The following PARM1 variants were observed in gnomAD, a reference collection of about 807,000 sequenced individuals.
PARM1 encodes the protein prostate androgen-regulated mucin-like protein 1, also known as WSC4, cell wall integrity and stress response component 4 homolog.
Under a neutral mutation model 24.6 loss-of-function variants are expected in PARM1, and 14 were observed. That is an observed-to-expected ratio of 0.57 (90% CI 0.38 to 0.89). The LOEUF (loss-of-function observed/expected upper bound fraction) is 0.89, where lower values mean the gene tolerates loss of function less well. Ranked by LOEUF, PARM1 falls within the 40% of genes least tolerant of loss-of-function variation. PARM1 has a pLI of 0.00. For synonymous variants in PARM1, 179 were observed against 156.6 expected (o/e 1.14, Z -1.07); for missense variants, 362 against 380.4 (o/e 0.95, Z 0.40).
chr4:75,021,513 A>G (rs528991611), intron 2 of PARM1, among the ~76,000 whole-genome samples: 24 of 151,838 alleles, frequency 1.6e-4, no homozygotes, highest in Non-Finnish European at 2.6e-4. Context: ...TACATGGGTA[A>G]ATTGTGTGTC....
At position 74,970,716 on chromosome 4, in the gene PARM1, GC is replaced by G. The variant is rs1433365278; in HGVS notation, c.43+37348del. On this transcript the variant is annotated intron_variant, in intron 1 of 3. Transcript: ENST00000307428. Reference sequence around the variant, plus strand: ...TGTCTACCCAGGCTGCTTCCAGCCTGCCTGCATGTGTTCAGGGCAGCAATTT... The same window carrying G: ...TGTCTACCCAGGCTGCTTCCAGCCTGCTGCATGTGTTCAGGGCAGCAATTT... Among the ~76,000 whole-genome samples, 4 of 152,280 alleles carry G rather than the reference GC, an allele frequency of 2.6e-5. No homozygotes were observed. In the East Asian group the frequency reaches 7.7e-4, roughly 29 times the overall value.
intron 3 of PARM1, among the ~76,000 whole-genome samples, chr4:75,039,489 G>T (rs1044062513): frequency 3.3e-5 from 5 of 151,872 alleles, no homozygotes; most frequent in African/African-American, 9.7e-5. Context: ...AGCCAAAATC[G>T]CACCACTGCA....
At chr4:74,968,587 C>A (rs1442353215) in intron 1 of PARM1, among the ~76,000 whole-genome samples, 1 of 152,124 alleles carries the variant, frequency 6.6e-6, no homozygotes, top group Non-Finnish European at 1.5e-5. Flanking sequence ...ATTGTGAAAC[C>A]AGCCTCAGCC....
rs1723670637 is a variant in PARM1 at position 75,049,199 on chromosome 4, G to GTGAAA, written c.*2953_*2957dup. 6.6e-6 allele frequency: 1 copy of GTGAAA among 152,168 alleles called. No homozygotes were observed. The highest frequency in any genetic ancestry group is 2.4e-5 in the African/African-American group (1 of 41,438). The allele number at this position is 152,168 out of a possible 1,614,324, so 9.4% of individuals were successfully genotyped here. A position where few individuals can be genotyped will look rare whatever the true frequency, so the allele number is the denominator to read the frequency against. On this transcript the variant is annotated 3_prime_UTR_variant, in exon 4 of 4. Coordinates refer to ENST00000307428, the MANE Select transcript of PARM1 (RefSeq NM_015393.4). ...TTTGTTTTCTTTTCCTGTGGCCCCAGTGAAACCTCCTGCCCTCCCTGCACG... is the reference window on the plus strand; with the variant it reads ...TTTGTTTTCTTTTCCTGTGGCCCCAGTGAAATGAAACCTCCTGCCCTCCCTGCACG...
intron 2 of PARM1, among the ~76,000 whole-genome samples, chr4:75,029,119 G>T (rs953901410): frequency 6.6e-6 from 1 of 152,158 alleles, no homozygotes; most frequent in African/African-American, 2.4e-5. Flanking sequence ...GGATGTGTGA[G>T]TGTGGGGAGA....
chr4:74,953,002 A>C (rs1721557382), intron 1 of PARM1, among the ~76,000 whole-genome samples: 1 of 152,222 alleles, frequency 6.6e-6, no homozygotes. Context: ...TTTCTGGAGC[A>C]TCTAAAATTC....
rs1325538598 is a variant in PARM1, at chr4:75,049,873, T to G, written c.*3626T>G. On this transcript the variant is annotated 3_prime_UTR_variant, in exon 4 of 4. Coordinates refer to ENST00000307428, the MANE Select transcript of PARM1 (RefSeq NM_015393.4). ...CCTTTAAGCCTTTTTTTTCTTTTTTTTTTTTTTGGCAAATGAATGTACCAT... is the reference window on the plus strand; with the variant it reads ...CCTTTAAGCCTTTTTTTTCTTTTTTGTTTTTTTGGCAAATGAATGTACCAT... 6.6e-6 allele frequency: 1 copy of G among 151,834 alleles called. No homozygotes were observed. The highest frequency in any genetic ancestry group is 1.5e-5 in the Non-Finnish European group (1 of 67,934). 9.4% of individuals were successfully genotyped at this position (151,834 alleles called of 1,614,324 possible).
intron 2 of PARM1, among the ~76,000 whole-genome samples, chr4:75,026,203 T>C (rs1331680541): frequency 2.0e-5 from 3 of 152,228 alleles, no homozygotes; most frequent in Non-Finnish European, 1.5e-5. Context: ...AAAAAATAGC[T>C]GTGCTTCAGA....
intron 1 of PARM1, among the ~76,000 whole-genome samples, chr4:75,000,136 T>G (rs75262737): frequency 0.011 from 1,648 of 152,266 alleles, 39 homozygotes; most frequent in African/African-American, 0.038. Context: ...GTAATCATCT[T>G]TCTCTGATAG....
At chr4:75,028,776 A>C (rs1723226845) in intron 2 of PARM1, among the ~76,000 whole-genome samples, 1 of 152,220 alleles carries the variant, frequency 6.6e-6, no homozygotes, top group African/African-American at 2.4e-5. Context: ...ACTTCTTTAA[A>C]GAGCCCAGCA....
chr4:75,015,853 T>C (rs1722974770), intron 2 of PARM1, among the ~76,000 whole-genome samples: 1 of 152,184 alleles, frequency 6.6e-6, no homozygotes, highest in South Asian at 2.1e-4. Context: ...GCACTCCTCC[T>C]TTATTAGCTA....
At chr4:75,031,755 C>T (rs537274682) in intron 2 of PARM1, among the ~76,000 whole-genome samples, 1 of 152,306 alleles carries the variant, frequency 6.6e-6, no homozygotes, top group Non-Finnish European at 1.5e-5. Flanking sequence ...TCATTCTTTT[C>T]TTCCATTTTT....
At chr4:75,010,274 A>T (rs1256377142) in intron 1 of PARM1, among the ~76,000 whole-genome samples, 1 of 152,222 alleles carries the variant, frequency 6.6e-6, no homozygotes, top group Non-Finnish European at 1.5e-5. Flanking sequence ...ATATTGTATG[A>T]TTCTACTTAT....
intron 1 of PARM1, among the ~76,000 whole-genome samples, chr4:74,941,317 A>C (rs1417322375): frequency 1.3e-5 from 2 of 152,174 alleles, no homozygotes; most frequent in Non-Finnish European, 2.9e-5. Context: ...GGGGGCAGGA[A>C]GTGTGATATC....
intron 1 of PARM1, 144 bp from the exon 2 acceptor site, chr4:75,012,281 C>T: frequency 1.2e-6 from 1 of 814,652 alleles, no homozygotes; most frequent in Non-Finnish European, 1.9e-6. Flanking sequence ...TTAAAAGTTG[C>T]CTTCACAACT....
chr4:75,006,387 G>T (rs989375356), intron 1 of PARM1, among the ~76,000 whole-genome samples: 4 of 150,600 alleles, frequency 2.7e-5, no homozygotes, highest in Admixed American at 2.0e-4. Flanking sequence ...GTGAGAACAT[G>T]TGGAGTTTGG....
At chr4:75,041,149 C>G (rs1723474782) in intron 3 of PARM1, among the ~76,000 whole-genome samples, 1 of 152,074 alleles carries the variant, frequency 6.6e-6, no homozygotes, top group Admixed American at 6.6e-5. Flanking sequence ...AAGGTATCAA[C>G]CAGGTGCTAG....
intron 1 of PARM1, among the ~76,000 whole-genome samples, chr4:75,003,207 C>T (rs1722713212): frequency 6.6e-6 from 1 of 151,978 alleles, no homozygotes; most frequent in Non-Finnish European, 1.5e-5. Flanking sequence ...GGATTTCAGA[C>T]ATTCGTTGGC....
intron 1 of PARM1, among the ~76,000 whole-genome samples, chr4:74,936,274 C>T (rs1721181212): frequency 6.6e-6 from 1 of 152,100 alleles, no homozygotes; most frequent in South Asian, 2.1e-4. Flanking sequence ...TATTGGAGTA[C>T]TGATTCCAGA....
Sources: gnomAD v4.1 joint callset for allele counts (sites outside exome capture counted in the v4.1 genomes callset) on GRCh38, gnomAD v4.1.1 for gene constraint, MANE v1.5 for transcripts, NCBI Gene and HGNC (gene_info 2026-07-23, HGNC 2026-07-21) for gene names.